Variants in RGS7 observed in about 807,000 individuals in gnomAD.
RGS7 encodes regulator of G-protein signaling 7.
In RGS7, 27 loss-of-function variants were observed where a neutral mutation model predicts 81.1. That is an observed-to-expected ratio of 0.33 (90% CI 0.25 to 0.46). The LOEUF is 0.46. Among genes scored for constraint, RGS7 ranks in the 20% least tolerant of loss-of-function variants. The pLI is 1.00. For synonymous variants in RGS7, 208 were observed against 207.7 expected, an observed-to-expected ratio of 1.00 and a Z score of -0.01; for missense variants, 396 against 607.4, an observed-to-expected ratio of 0.65 and a Z score of 3.66.
chr1:241,170,734 G>T (rs1227049869), intron 2 of RGS7, among the ~76,000 whole-genome samples: 1 of 152,108 alleles, frequency 6.6e-6, no homozygotes, highest in Non-Finnish European at 1.5e-5. Context: ...CAGTAGGAAA[G>T]ATTTCACTCT....
chr1:241,079,032 G>T (rs909817166), intron 3 of RGS7, among the ~76,000 whole-genome samples: 1 of 152,152 alleles, frequency 6.6e-6, no homozygotes, highest in African/African-American at 2.4e-5. Flanking sequence ...AGTGTTTGGG[G>T]GGCTCTGGAG....
chr1:241,188,188 C>G (rs2072290960), intron 2 of RGS7, among the ~76,000 whole-genome samples: 1 of 100,680 alleles, frequency 9.9e-6, no homozygotes, highest in South Asian at 3.2e-4. Flanking sequence ...ATCAAAATAC[C>G]ACAGGTACCC....
At chr1:241,173,615 G>C (rs1381607292) in intron 2 of RGS7, among the ~76,000 whole-genome samples, 1 of 151,846 alleles carries the variant, frequency 6.6e-6, no homozygotes, top group African/African-American at 2.4e-5. Context: ...TGAGACCCTG[G>C]TCTTTACAAA....
chr1:241,072,374 C>A (rs1042504197), intron 3 of RGS7, among the ~76,000 whole-genome samples: 4 of 152,132 alleles, frequency 2.6e-5, no homozygotes, highest in Non-Finnish European at 2.9e-5. Flanking sequence ...AGCAAGCTAT[C>A]CACGGCTGTC....
At chr1:241,067,281 C>A (rs1318612541) in intron 3 of RGS7, among the ~76,000 whole-genome samples, 1 of 152,088 alleles carries the variant, frequency 6.6e-6, no homozygotes, top group Non-Finnish European at 1.5e-5. Flanking sequence ...ACTCTGTATT[C>A]CATGCTCCTA....
intron 3 of RGS7, among the ~76,000 whole-genome samples, chr1:241,069,772 G>A (rs2062317940): frequency 6.6e-6 from 1 of 152,116 alleles, no homozygotes; most frequent in African/African-American, 2.4e-5. Flanking sequence ...CAAAACCGCT[G>A]TTGATTGGAA....
chr1:240,776,215 T>TGAGA lies in RGS7; in HGVS notation c.*7-6_*7-3dup. 6.2e-7 allele frequency: 1 copy of TGAGA among 1,604,364 alleles called. No homozygotes were observed. Among genetic ancestry groups the TGAGA allele is most frequent in the South Asian group, 1.1e-5 (1 of 90,868 alleles). On this transcript the variant is annotated splice_polypyrimidine_tract_variant and splice_region_variant and intron_variant, in intron 18 of 18. Transcript: ENST00000440928. ...CCTCTTGGACGTGAGAGATTTCCCC[T>TGAGA]GAGAAAATATATAAAACAAGAGAAA...
At chr1:241,200,653 T>C (rs2073433277) in intron 2 of RGS7, among the ~76,000 whole-genome samples, 1 of 152,186 alleles carries the variant, frequency 6.6e-6, no homozygotes, top group African/African-American at 2.4e-5. Flanking sequence ...GGACCATAAC[T>C]GCAGGCAACC....
intron 2 of RGS7, among the ~76,000 whole-genome samples, chr1:241,252,744 T>C (rs2076894548): frequency 6.6e-6 from 1 of 152,088 alleles, no homozygotes; most frequent in African/African-American, 2.4e-5. Context: ...TAAGAGTAAG[T>C]CTTTTGCGGG....
At chr1:240,867,915 C>T (rs565657277) in intron 9 of RGS7, among the ~76,000 whole-genome samples, 45 of 151,416 alleles carry the variant, frequency 3.0e-4, no homozygotes, top group African/African-American at 7.0e-4. Context: ...GGTGGGAGGA[C>T]GGCTTGAACT....
chr1:241,106,770 A>ACCCCCC (rs1553421323), intron 2 of RGS7, among the ~76,000 whole-genome samples: 8 of 149,500 alleles, frequency 5.4e-5, no homozygotes, highest in African/African-American at 7.4e-5. Flanking sequence ...ACACACACAC[A>ACCCCCC]CACACACACA....
At chr1:241,186,237 A>G (rs2072086746) in intron 2 of RGS7, among the ~76,000 whole-genome samples, 1 of 152,144 alleles carries the variant, frequency 6.6e-6, no homozygotes, top group Non-Finnish European at 1.5e-5. Flanking sequence ...TTTTATGCTC[A>G]CTCAAAAACC....
At chr1:241,097,987 T>C (rs544462807) in intron 3 of RGS7, among the ~76,000 whole-genome samples, 33 of 152,318 alleles carry the variant, frequency 2.2e-4, no homozygotes, top group African/African-American at 7.9e-4. Flanking sequence ...CCCTTGGATA[T>C]CAGGACCTGG....
chr1:241,327,118 GA>G (rs1558321400), intron 2 of RGS7, among the ~76,000 whole-genome samples: 2 of 108,986 alleles, frequency 1.8e-5, no homozygotes. Context: ...AAGAAAGAAA[GA>G]AAGAAAGAAA....
chr1:241,268,839 C>T (rs996471906), intron 2 of RGS7, among the ~76,000 whole-genome samples: 1 of 152,124 alleles, frequency 6.6e-6, no homozygotes, highest in African/African-American at 2.4e-5. Flanking sequence ...TGTGTGGACA[C>T]CTCTAGCCCA....
intron 2 of RGS7, among the ~76,000 whole-genome samples, chr1:241,294,921 A>G (rs572128812): frequency 6.6e-6 from 1 of 152,116 alleles, no homozygotes; most frequent in African/African-American, 2.4e-5. Context: ...AGAAACAAAT[A>G]GTGGTGAGAG....
intron 3 of RGS7, among the ~76,000 whole-genome samples, chr1:241,037,199 C>T (rs564252869): frequency 6.6e-6 from 1 of 152,218 alleles, no homozygotes; most frequent in African/African-American, 2.4e-5. Context: ...CTAGGAAATA[C>T]GTATCAGAAG....
chr1:241,294,856 G>T (rs1199659386), intron 2 of RGS7, among the ~76,000 whole-genome samples: 1 of 149,096 alleles, frequency 6.7e-6, no homozygotes, highest in Admixed American at 6.7e-5. Context: ...CAGGTGTGTA[G>T]GAGGCTACAC....
chr1:240,849,386 G>C (rs896118490), intron 9 of RGS7, among the ~76,000 whole-genome samples: 6 of 152,134 alleles, frequency 3.9e-5, no homozygotes, highest in African/African-American at 1.4e-4. Context: ...TTCATTCCTG[G>C]CTCCTCTCAA....
Sources: gnomAD v4.1 joint callset for allele counts (sites outside exome capture counted in the v4.1 genomes callset) on GRCh38, gnomAD v4.1.1 for gene constraint, MANE v1.5 for transcripts, NCBI Gene and HGNC (gene_info 2026-07-23, HGNC 2026-07-21) for gene names.